Variants in OTX1 observed in about 807,000 individuals in gnomAD.
OTX1 encodes the protein orthodenticle homeobox 1.
In OTX1, 7 loss-of-function variants were observed where a neutral mutation model predicts 26.7. The ratio of observed to expected loss-of-function variants is 0.26; its 90% CI spans 0.15 to 0.49. The LOEUF is 0.49. Ranked by LOEUF, OTX1 falls within the 20% of genes least tolerant of loss-of-function variation. The pLI is 0.98. For missense variants in OTX1, 414 were observed against 483.8 expected, an observed-to-expected ratio of 0.86 and a Z score of 1.35; for synonymous variants, 216 against 212.8, an observed-to-expected ratio of 1.01 and a Z score of -0.13.
chr2:63,053,214 GTCT>G, intron 3 of OTX1, 127 bp downstream of exon 3: 1 of 622,914 alleles, frequency 1.6e-6, no homozygotes. Flanking sequence ...AGGGCCCACT[GTCT>G]GTTTACAATA....
rs2062074953 is a variant in OTX1 at position 63,057,168 on chromosome 2, T to TAA, written c.*857_*858dup. The TAA allele has an allele frequency of 2.0e-5, 3 of 151,432 alleles. No individual in the cohort carries two copies. The highest frequency in any genetic ancestry group is 6.6e-5 in the Admixed American group (1 of 15,198). The allele number at this position is 151,432 out of a possible 1,614,324, so 9.4% of individuals were successfully genotyped here. On this transcript the variant is annotated 3_prime_UTR_variant, in exon 5 of 5. Coordinates refer to ENST00000282549, the MANE Select transcript of OTX1 (RefSeq NM_014562.4). ...ATATACATATATATATACACATATA[T>TAA]AAAAAACAAAAGCAAAAAATATTTT...
Position 63,056,390 on chromosome 2 carries a change from C to T in OTX1, c.*74C>T. Reference sequence around the variant, plus strand: ...GGTCCCGATCCTGTTGCTGCTGCTGCACCGCCCGCCTTTGCCTCGTCTTCT... The same window carrying T: ...GGTCCCGATCCTGTTGCTGCTGCTGTACCGCCCGCCTTTGCCTCGTCTTCT... On this transcript the variant is annotated 3_prime_UTR_variant, in exon 5 of 5. Coordinates refer to ENST00000282549, the MANE Select transcript of OTX1 (RefSeq NM_014562.4). 23 of 1,319,754 alleles carry T rather than the reference C, an allele frequency of 1.7e-5. No individual in the cohort carries two copies. The highest frequency in any genetic ancestry group is 2.3e-5 in the Non-Finnish European group (22 of 948,048). The allele number at this position is 1,319,754 out of a possible 1,614,324, so 81.8% of individuals were successfully genotyped here.
Position 63,053,068 on chromosome 2 carries a change from C to G in OTX1, c.78C>G (p.His26Gln). 1 of 1,592,208 alleles carries G rather than the reference C, an allele frequency of 6.3e-7. No individual in the cohort carries two copies. The highest frequency in any genetic ancestry group is 2.3e-5 in the East Asian group (1 of 42,858). Reference sequence around the variant, plus strand: ...CCGGGCCCGCCATGGACCTCCTGCACCCATCCGTGGGCTATCCGGGTGAGC... The same window carrying G: ...CCGGGCCCGCCATGGACCTCCTGCAGCCATCCGTGGGCTATCCGGGTGAGC... Reference protein sequence around the residue: ...GLAGPAMDLLHPSVGYPATPR... With the variant: ...GLAGPAMDLLQPSVGYPATPR... The change falls in exon 3 of 5, where the codon CAC (histidine) becomes CAG (glutamine). Residue 26 changes from histidine to glutamine, a missense_variant. Physicochemically the swap from His to Gln is conservative, Grantham distance 24. Coordinates refer to ENST00000282549, the MANE Select transcript of OTX1 (RefSeq NM_014562.4).
In OTX1 at chr2:63,052,929, C is replaced by T; in HGVS notation, c.-62C>T. The T allele has an allele frequency of 8.9e-7, 1 of 1,125,526 alleles. No individual in the cohort carries two copies. The highest frequency in any genetic ancestry group is 1.3e-6 in the Non-Finnish European group (1 of 752,326). 69.7% of individuals were successfully genotyped at this position (1,125,526 alleles called of 1,614,324 possible). On this transcript the variant is annotated 5_prime_UTR_variant, in exon 3 of 5. Transcript: ENST00000282549. Reference sequence around the variant, plus strand: ...CCTGAAGGACTGCGTGGTGGGAGCCCTGCACCGCTCCTGGCCCCGGGCCCC... The same window carrying T: ...CCTGAAGGACTGCGTGGTGGGAGCCTTGCACCGCTCCTGGCCCCGGGCCCC...
chr2:63,053,452 G>A lies in OTX1; in HGVS notation c.97+365G>A, dbSNP rs182755166. 5.8e-3 allele frequency: 1,303 copies of A among 223,448 alleles called. 12 individuals are homozygous for A. Among genetic ancestry groups the A allele is most frequent in the South Asian group, 0.013 (98 of 7,640 alleles). The allele number at this position is 223,448 out of a possible 1,614,324, so 13.8% of individuals were successfully genotyped here. A position where few individuals can be genotyped will look rare whatever the true frequency, so the allele number is the denominator to read the frequency against. On this transcript the variant is annotated intron_variant, in intron 3 of 4. Transcript: ENST00000282549. ...GAATGTGTAATCTGGACACTCGTTA[G>A]GCCCTGACAGAAAGAGCCAAACTTT...
At position 63,056,678 on chromosome 2, in the gene OTX1, A is replaced by G. The variant is rs986771342; in HGVS notation, c.*362A>G. 2.9e-5 allele frequency: 8 copies of G among 276,956 alleles called. No homozygotes were observed. The highest frequency in any genetic ancestry group is 4.8e-5 in the Non-Finnish European group (7 of 144,718). The allele number at this position is 276,956 out of a possible 1,614,324, so 17.2% of individuals were successfully genotyped here. On this transcript the variant is annotated 3_prime_UTR_variant, in exon 5 of 5. Transcript: ENST00000282549. ...CAGCCTTCGGAGGCTCTGCGCTCTG[A>G]TCCGCTGTTTGAGCCCAACACTTTA...
At position 63,055,748 on chromosome 2, in the gene OTX1, C is replaced by G; in HGVS notation, c.497C>G (p.Ser166Trp). 1 of 1,612,466 alleles carries G rather than the reference C, an allele frequency of 6.2e-7. No homozygotes were observed. Among genetic ancestry groups the G allele is most frequent in the Non-Finnish European group, 8.5e-7 (1 of 1,179,604 alleles). ...GGTGGGAACCCGGTGGCGGCCGCGT[C>G]GTCGCTGAGTACACCAGCTGCCTCA... ...GLGGNPVAAA[S>W]SLSTPAASSI... Residue 166 changes from serine to tryptophan, a missense_variant, in exon 5 of 5, where the codon TCG (serine) becomes TGG (tryptophan). Physicochemically the swap from Ser to Trp is radical, Grantham distance 177. Coordinates refer to ENST00000282549, the MANE Select transcript of OTX1 (RefSeq NM_014562.4). This position sits in a 1 kb window ranked among gnomAD's most constrained non-coding sequence, Gnocchi z 5.2.
At chr2:63,049,905 G>A (rs2062010579), upstream of OTX1, among the ~76,000 whole-genome samples, 1 of 152,174 alleles carries the variant, frequency 6.6e-6, no homozygotes, top group African/African-American at 2.4e-5. This position sits in a 1 kb window ranked among gnomAD's most constrained non-coding sequence, Gnocchi z 4.8. Context: ...CGCAGCATGT[G>A]GAAAAAAGTT....
chr2:63,053,867 C>T, intron 3 of OTX1, 180 bp from the exon 4 acceptor site: 1 of 633,024 alleles, frequency 1.6e-6, no homozygotes, highest in South Asian at 2.1e-5. Flanking sequence ...AGTCGCACAT[C>T]TGCACTTTCT....
rs758885047 is a variant in OTX1 at position 63,055,622 on chromosome 2, G to C, written c.371G>C (p.Ser124Thr). Residue 124 changes from serine (S) to threonine (T), a missense_variant, in exon 5 of 5, where the codon AGT (serine) becomes ACT (threonine). Around this residue, in one of 3 missense-constraint regions of OTX1, gnomAD observed 320 missense variants for 347.9 expected, o/e 0.92. Transcript: ENST00000282549. The surrounding 1 kb of genome is among the most constrained non-coding windows in gnomAD (Gnocchi z 5.2). ...PVRESSGSES[S>T]GQFTPPAVSS... ...CGGGAGAGCTCGGGCTCCGAAAGCA[G>C]TGGCCAATTCACGCCGCCAGCTGTG... 1 of 1,614,194 alleles carries C rather than the reference G, an allele frequency of 6.2e-7. No individual in the cohort carries two copies. Among genetic ancestry groups the C allele is most frequent in the South Asian group, 1.1e-5 (1 of 91,086 alleles).
At chr2:63,050,290 G>T (rs2062014235), upstream of OTX1, 1 of 152,168 alleles carries the variant, frequency 6.6e-6, no homozygotes, top group Non-Finnish European at 1.5e-5. Flanking sequence ...CCGCGGCGTC[G>T]GTCTCAGGTG....
chr2:63,050,711 C>G (rs2062019189), upstream of OTX1: 1 of 152,088 alleles, frequency 6.6e-6, no homozygotes. Flanking sequence ...TAACCCCCGG[C>G]TCGCGCAGCC....
In OTX1 at chr2:63,055,963, CCCT is replaced by C; in HGVS notation, c.717_719del (p.Ser241del). On this transcript the variant is annotated inframe_deletion, in exon 5 of 5. Transcript: ENST00000282549. The surrounding 1 kb of genome is among the most constrained non-coding windows in gnomAD (Gnocchi z 5.2). ...CAGCTACGGCCAAGGCTACCCTACG[CCCT>C]CCTCTTCCTACTTTGGCGGCGTGGA... 1 of 1,613,492 alleles carries C rather than the reference CCCT, an allele frequency of 6.2e-7. No individual in the cohort carries two copies. The highest frequency in any genetic ancestry group is 8.5e-7 in the Non-Finnish European group (1 of 1,180,038).
chr2:63,054,146 T>C lies in OTX1; in HGVS notation c.197T>C (p.Phe66Ser). The C allele has an allele frequency of 6.2e-7, 1 of 1,611,582 alleles. No individual in the cohort carries two copies. Among genetic ancestry groups the C allele is most frequent in the Non-Finnish European group, 8.5e-7 (1 of 1,178,758 alleles). ...GCCAAGACTCGCTACCCTGACATCT[T>C]CATGCGGGAGGAGGTGGCGCTCAAG... is the stretch of plus-strand genomic sequence containing the variant. ...LFAKTRYPDI[F>S]MREEVALKIN... The change falls in exon 4 of 5, where the codon TTC becomes TCC. Residue 66 changes from phenylalanine to serine, a missense_variant. Around this residue, in one of 3 missense-constraint regions of OTX1, gnomAD observed 46 missense variants for 94.3 expected, o/e 0.49. Transcript: ENST00000282549.
chr2:63,053,821 A>G (rs979724738), intron 3 of OTX1: 34 of 564,408 alleles, frequency 6.0e-5, no homozygotes, highest in Non-Finnish European at 9.9e-5. Context: ...AGGCATAGAG[A>G]GGGGCAGCCC....
At chr2:63,050,665 G>A (rs2062018750), upstream of OTX1, 1 of 150,476 alleles carries the variant, frequency 6.6e-6, no homozygotes, top group Non-Finnish European at 1.5e-5. Flanking sequence ...GGAGGGCGGG[G>A]TGTGGGGGGC....
At position 63,057,625 on chromosome 2, in the gene OTX1, T is replaced by C. The variant is rs1405093904; in HGVS notation, c.*1309T>C. On this transcript the variant is annotated 3_prime_UTR_variant, in exon 5 of 5. Coordinates refer to ENST00000282549, the MANE Select transcript of OTX1 (RefSeq NM_014562.4). ...CTTGTTTTGTCTAGTGAGTTTTTAGTGCACCTTCGTTCTCCGAAATCTGCG... is the reference window on the plus strand; with the variant it reads ...CTTGTTTTGTCTAGTGAGTTTTTAGCGCACCTTCGTTCTCCGAAATCTGCG... The C allele has an allele frequency of 1.3e-5, 2 of 152,242 alleles. No individual in the cohort carries two copies. Among genetic ancestry groups the C allele is most frequent in the African/African-American group, 4.8e-5 (2 of 41,456 alleles). The allele number at this position is 152,242 out of a possible 1,614,324, so 9.4% of individuals were successfully genotyped here.
Position 63,056,925 on chromosome 2 carries a change from G to A in OTX1, c.*609G>A, listed in dbSNP as rs978206917. The stretch of plus-strand genomic sequence containing the variant: ...GCGCGCCAGGGCTAGGCCCGCCGGA[G>A]GAGCGCGTCCCCAGCCTTCCGCGCA... On this transcript the variant is annotated 3_prime_UTR_variant, in exon 5 of 5. Coordinates refer to ENST00000282549, the MANE Select transcript of OTX1 (RefSeq NM_014562.4). 1.3e-5 allele frequency: 2 copies of A among 152,672 alleles called. No individual in the cohort carries two copies. The highest frequency in any genetic ancestry group is 4.8e-5 in the African/African-American group (2 of 41,452). The allele number at this position is 152,672 out of a possible 1,614,324, so 9.5% of individuals were successfully genotyped here. A position where few individuals can be genotyped will look rare whatever the true frequency, so the allele number is the denominator to read the frequency against.
In OTX1 at chr2:63,052,936, G is replaced by A. The variant is rs757472654; in HGVS notation, c.-55G>A. On this transcript the variant is annotated 5_prime_UTR_variant, in exon 3 of 5. Coordinates refer to ENST00000282549, the MANE Select transcript of OTX1 (RefSeq NM_014562.4). The stretch of plus-strand genomic sequence containing the variant: ...GACTGCGTGGTGGGAGCCCTGCACC[G>A]CTCCTGGCCCCGGGCCCCCTGGATC... The A allele has an allele frequency of 3.3e-6, 4 of 1,229,380 alleles. No homozygotes were observed. The highest frequency in any genetic ancestry group is 4.7e-6 in the Non-Finnish European group (4 of 844,700). The allele number at this position is 1,229,380 out of a possible 1,614,324, so 76.2% of individuals were successfully genotyped here. A position where few individuals can be genotyped will look rare whatever the true frequency, so the allele number is the denominator to read the frequency against.
Sources: allele counts gnomAD v4.1 joint callset (sites outside exome capture counted in the v4.1 genomes callset), GRCh38; gene constraint gnomAD v4.1.1; regional missense constraint gnomAD v4.1.1; non-coding constraint Gnocchi (gnomAD v3.1); transcripts MANE v1.5; gene names NCBI Gene and HGNC (gene_info 2026-07-23, HGNC 2026-07-21).